Variants in RANBP2 observed in about 807,000 individuals in gnomAD.
The protein encoded by RANBP2 is RAN binding protein 2, also known as E3 SUMO-protein ligase RanBP2.
RANBP2 carries 57 observed loss-of-function variants against 303.6 expected under a neutral mutation model. The observed-to-expected ratio is 0.19, with a 90% CI of 0.15 to 0.23. The LOEUF is 0.23. RANBP2 is among the 10% of genes least tolerant of loss of function. The pLI is 1.00. For synonymous variants in RANBP2, 1,167 were observed against 1,301.5 expected, an observed-to-expected ratio of 0.90 and a Z score of 2.23; for missense variants, 3,138 against 3,780.8, an observed-to-expected ratio of 0.83 and a Z score of 4.46.
At chr2:109,549,071 G>A in the RANBP2 span, among the ~76,000 whole-genome samples, 1 of 152,108 alleles carries the variant, frequency 6.6e-6, no homozygotes, top group Admixed American at 6.5e-5. Flanking sequence ...TATTTAAATG[G>A]TTCCTGCTTT....
chr2:108,896,631 A>ATGGTGGGC, the RANBP2 span: 1 of 470,626 alleles, frequency 2.1e-6, no homozygotes, highest in Non-Finnish European at 3.8e-6. Context: ...CAGTGAGTTA[A>ATGGTGGGC]TGGTGGGCTG....
intron 26 of RANBP2, 84 bp downstream of exon 26, chr2:108,781,513 T>TTG: frequency 2.3e-6 from 3 of 1,304,922 alleles, no homozygotes; most frequent in Non-Finnish European, 3.3e-6. Context: ...CAGGGTATAA[T>TTG]TGTTTGCATT....
At chr2:109,322,090 C>T in the RANBP2 span, among the ~76,000 whole-genome samples, 29 of 151,578 alleles carry the variant, frequency 1.9e-4, no homozygotes, top group African/African-American at 5.1e-4. Flanking sequence ...GGGAGAGAAG[C>T]GGGGAGAGGG....
chr2:109,689,623 C>CT, the RANBP2 span, among the ~76,000 whole-genome samples: 2 of 152,122 alleles, frequency 1.3e-5, no homozygotes, highest in Non-Finnish European at 2.9e-5. Context: ...CCAGCCAGGC[C>CT]TTCAACTGAG....
chr2:109,078,094 A>ATATATATATATATATGGCG, the RANBP2 span, among the ~76,000 whole-genome samples: 1 of 9,684 alleles, frequency 1.0e-4, no homozygotes, highest in African/African-American at 1.9e-4. Flanking sequence ...ATATATATAT[A>ATATATATATATATATGGCG]TATATATATA....
At chr2:109,136,848 C>A in the RANBP2 span, among the ~76,000 whole-genome samples, 2 of 152,184 alleles carry the variant, frequency 1.3e-5, no homozygotes, top group South Asian at 4.1e-4. Flanking sequence ...TGCACCGGGG[C>A]ACCTGTAAAT....
At chr2:109,268,051 C>T in the RANBP2 span, among the ~76,000 whole-genome samples, 1 of 151,766 alleles carries the variant, frequency 6.6e-6, no homozygotes, top group Non-Finnish European at 1.5e-5. Context: ...GTGAGGGGGT[C>T]TTCCAGACTG....
At chr2:109,576,246 G>A in the RANBP2 span, among the ~76,000 whole-genome samples, 5 of 152,030 alleles carry the variant, frequency 3.3e-5, no homozygotes, top group Non-Finnish European at 5.9e-5. Flanking sequence ...AGGTGACAAC[G>A]CAAGATTGTT....
chr2:108,897,741 C>T, the RANBP2 span, among the ~76,000 whole-genome samples: 1 of 152,176 alleles, frequency 6.6e-6, no homozygotes, highest in Non-Finnish European at 1.5e-5. Flanking sequence ...CTTCACTGTA[C>T]ATTAGACTCA....
chr2:109,375,276 G>A, the RANBP2 span, among the ~76,000 whole-genome samples: 1 of 152,216 alleles, frequency 6.6e-6, no homozygotes, highest in Non-Finnish European at 1.5e-5. Flanking sequence ...CTGCCTCCTT[G>A]TCCTTTTCGC....
the RANBP2 span, among the ~76,000 whole-genome samples, chr2:109,396,519 C>A: frequency 8.5e-5 from 13 of 152,310 alleles, no homozygotes; most frequent in Non-Finnish European, 1.6e-4. Flanking sequence ...GATGGGGCCA[C>A]CCTTTATCAT....
chr2:109,194,532 G>GC, the RANBP2 span, among the ~76,000 whole-genome samples: 1 of 152,256 alleles, frequency 6.6e-6, no homozygotes, highest in Non-Finnish European at 1.5e-5. Context: ...ATTTGCTCCA[G>GC]CAGCACTGAA....
chr2:109,203,702 G>A, the RANBP2 span, among the ~76,000 whole-genome samples: 2 of 152,148 alleles, frequency 1.3e-5, no homozygotes, highest in Non-Finnish European at 2.9e-5. Flanking sequence ...CACCCCCTGG[G>A]CCTGGAGCCC....
the RANBP2 span, among the ~76,000 whole-genome samples, chr2:109,716,958 C>T: frequency 2.6e-5 from 4 of 152,316 alleles, no homozygotes; most frequent in African/African-American, 7.2e-5. Flanking sequence ...GGCAACTTCT[C>T]GCAGGACTCA....
At chr2:108,869,803 G>A in the RANBP2 span, among the ~76,000 whole-genome samples, 32 of 152,304 alleles carry the variant, frequency 2.1e-4, no homozygotes, top group African/African-American at 7.7e-4. Flanking sequence ...TGCTTGATAA[G>A]TAGTGAAGGC....
chr2:109,533,779 TG>T, the RANBP2 span, among the ~76,000 whole-genome samples: 1 of 152,318 alleles, frequency 6.6e-6, no homozygotes, highest in Non-Finnish European at 1.5e-5. Flanking sequence ...GAAAAGGTCC[TG>T]GGGGGTACTT....
intron 4 of RANBP2, 150 bp downstream of exon 4, chr2:108,731,624 T>C: frequency 6.9e-7 from 1 of 1,441,786 alleles, no homozygotes; most frequent in Non-Finnish European, 9.3e-7. Context: ...AAAACCTTTC[T>C]GAGCATCTAC....
chr2:109,147,222 C>T, the RANBP2 span, among the ~76,000 whole-genome samples: 1 of 152,136 alleles, frequency 6.6e-6, no homozygotes, highest in Non-Finnish European at 1.5e-5. Context: ...CTTGGAATTA[C>T]AGCTGTCCGC....
chr2:108,999,581 CCA>C, the RANBP2 span, among the ~76,000 whole-genome samples: 1 of 152,088 alleles, frequency 6.6e-6, no homozygotes, highest in Non-Finnish European at 1.5e-5. Flanking sequence ...CAAAAGCTTG[CCA>C]CAGTCTTGGA....
Sources: gnomAD v4.1 joint callset for allele counts (sites outside exome capture counted in the v4.1 genomes callset) on GRCh38, gnomAD v4.1.1 for gene constraint, MANE v1.5 for transcripts, NCBI Gene and HGNC (gene_info 2026-07-23, HGNC 2026-07-21) for gene names.